CEP128: variants seen among roughly 807,000 people sequenced by gnomAD.
CEP128 encodes centrosomal protein 128kDa.
CEP128 carries 132 observed loss-of-function variants against 156.7 expected under a neutral mutation model. The ratio of observed to expected loss-of-function variants is 0.84; its 90% confidence interval spans 0.73 to 0.97. The LOEUF (loss-of-function observed/expected upper bound fraction) is 0.97. CEP128 is among the 50% of genes least tolerant of loss of function. The probability of loss-of-function intolerance (pLI) is 0.00; values close to 1 mark genes in which losing one functional copy is unlikely to be tolerated. For synonymous variants in CEP128, 469 were observed against 448.9 expected (o/e 1.04, Z -0.57); for missense variants, 1,252 against 1,281.9 (o/e 0.98, Z 0.36).
chr14:80,727,823 C>T (rs1898077107), intron 19 of CEP128, among the ~76,000 whole-genome samples: 1 of 152,164 alleles, frequency 6.6e-6, no homozygotes, highest in African/African-American at 2.4e-5. Flanking sequence ...GATACCATCT[C>T]ACACCAGTCA....
intron 19 of CEP128, among the ~76,000 whole-genome samples, chr14:80,645,318 G>A (rs1894588292): frequency 6.6e-6 from 1 of 152,108 alleles, no homozygotes. Context: ...TGATGGAAAT[G>A]TATTAAGGTA....
chr14:80,518,701 A>C (rs2140240267), intron 23 of CEP128, among the ~76,000 whole-genome samples: 1 of 152,224 alleles, frequency 6.6e-6, no homozygotes, highest in South Asian at 2.1e-4. Flanking sequence ...ACAATTGTTG[A>C]CTTATTCATG....
In CEP128 at chr14:80,836,049, A is replaced by G. The variant is rs1031831735; in HGVS notation, c.1057+156T>C. ...TATTAAAATGGGATGATGCTGAATTATTATCAACTTATCAGAAAATGTTTA... is the reference window on the plus strand; with the variant it reads ...TATTAAAATGGGATGATGCTGAATTGTTATCAACTTATCAGAAAATGTTTA... On this transcript the variant is annotated intron_variant, in intron 12 of 24. Transcript: ENST00000555265. Among the ~76,000 whole-genome samples the G allele has an allele frequency of 2.6e-5, 4 of 152,206 alleles. No individual in the cohort carries two copies. In the East Asian group the frequency reaches 7.7e-4, roughly 29 times the overall value.
At chr14:80,639,685 C>T (rs1894331756) in intron 19 of CEP128, among the ~76,000 whole-genome samples, 2 of 152,096 alleles carry the variant, frequency 1.3e-5, no homozygotes, top group Non-Finnish European at 2.9e-5. Flanking sequence ...TTAGAAACAG[C>T]TGATTACCCT....
intron 13 of CEP128, among the ~76,000 whole-genome samples, chr14:80,796,750 G>T (rs903809410): frequency 1.3e-5 from 2 of 152,150 alleles, no homozygotes; most frequent in African/African-American, 4.8e-5. Context: ...GTATTAGTGA[G>T]TCCTACATTC....
chr14:80,691,264 A>G (rs1896710366), intron 19 of CEP128, among the ~76,000 whole-genome samples: 1 of 152,214 alleles, frequency 6.6e-6, no homozygotes, highest in African/African-American at 2.4e-5. Flanking sequence ...ATTACTACAA[A>G]CTGACAAAAA....
intron 13 of CEP128, among the ~76,000 whole-genome samples, chr14:80,822,373 G>T (rs998683453): frequency 2.0e-5 from 3 of 152,116 alleles, no homozygotes; most frequent in Non-Finnish European, 4.4e-5. Context: ...GGGGCTACTG[G>T]CCCCATGCAA....
chr14:80,630,812 C>T (rs1051321090), intron 19 of CEP128, among the ~76,000 whole-genome samples: 1 of 151,972 alleles, frequency 6.6e-6, no homozygotes, highest in African/African-American at 2.4e-5. Flanking sequence ...TGTTGTAATA[C>T]AGAATCACAA....
At chr14:80,720,780 A>T (rs1379993673) in intron 19 of CEP128, among the ~76,000 whole-genome samples, 1 of 152,200 alleles carries the variant, frequency 6.6e-6, no homozygotes, top group African/African-American at 2.4e-5. Context: ...CAATGCAGAC[A>T]AACTAGTCTG....
Position 80,650,500 on chromosome 14 carries a change from T to C in CEP128, c.2807-70077A>G, listed in dbSNP as rs549525058. On this transcript the variant is annotated intron_variant, in intron 19 of 24. Transcript: ENST00000555265. ...AGGGCATCCTTGTCTTGTGCCAATT[T>C]TCAAAGGAAATGCTTCCAGTTTTTG... 3.3e-5 allele frequency among the ~76,000 whole-genome samples: 5 copies of C among 152,348 alleles called. No individual in the cohort carries two copies. The South Asian group carries it at 8.3e-4, about 25-fold the overall frequency.
intron 3 of CEP128, 89 bp downstream of exon 3, chr14:80,916,312 C>A (rs964757240): frequency 9.5e-7 from 1 of 1,052,064 alleles, no homozygotes; most frequent in African/African-American, 1.6e-5. Context: ...TAATTTGTTA[C>A]AGCAGCAAGA....
At chr14:80,515,738 C>T (rs1461068600) in intron 23 of CEP128, among the ~76,000 whole-genome samples, 9 of 152,168 alleles carry the variant, frequency 5.9e-5, no homozygotes, top group Non-Finnish European at 1.2e-4. Flanking sequence ...TTACTCTTCT[C>T]TTTCCTTTCC....
intron 19 of CEP128, among the ~76,000 whole-genome samples, chr14:80,581,522 T>C (rs969685539): frequency 6.6e-6 from 1 of 152,082 alleles, no homozygotes; most frequent in Non-Finnish European, 1.5e-5. Flanking sequence ...ACAGAACTGA[T>C]TGTGATGACC....
downstream of CEP128, among the ~76,000 whole-genome samples, chr14:80,493,253 T>A (rs1887385338): frequency 6.6e-6 from 1 of 152,180 alleles, no homozygotes; most frequent in East Asian, 1.9e-4. Flanking sequence ...TTGTGTAACT[T>A]CAGTTTCCTG....
intron 13 of CEP128, among the ~76,000 whole-genome samples, chr14:80,804,727 G>A (rs327434): frequency 0.58 from 87,451 of 151,848 alleles, 25,552 homozygotes; most frequent in East Asian, 0.79. Context: ...TTGTTGGAAC[G>A]TTTTACAGTT....
chr14:80,636,614 A>G (rs1894190036), intron 19 of CEP128, among the ~76,000 whole-genome samples: 1 of 152,164 alleles, frequency 6.6e-6, no homozygotes, highest in Admixed American at 6.5e-5. Flanking sequence ...CTCATCTCTA[A>G]TCTATCACAA....
intron 13 of CEP128, among the ~76,000 whole-genome samples, chr14:80,810,337 A>AAAAAAAAAAAAAAAAAAAAAAAAAAT (rs1884447582): frequency 6.8e-6 from 1 of 147,466 alleles, no homozygotes; most frequent in Admixed American, 6.7e-5. Context: ...AAAAAAAAAA[A>AAAAAAAAAAAAAAAAAAAAAAAAAAT]AAAAAAAAAA....
At chr14:80,497,865 G>A (rs1887563295) in intron 24 of CEP128, among the ~76,000 whole-genome samples, 1 of 152,150 alleles carries the variant, frequency 6.6e-6, no homozygotes, top group South Asian at 2.1e-4. Flanking sequence ...ACACCGGTGT[G>A]CACGTGCACA....
chr14:80,504,982 C>A lies in CEP128; in HGVS notation c.3111G>T (p.Gly1037=). Residue 1037 remains glycine, a synonymous_variant, in exon 24 of 25, where the codon GGG becomes GGT. Coordinates refer to ENST00000555265, the MANE Select transcript of CEP128 (RefSeq NM_152446.5). ...CCTGCCAAGAGGATGAGTGATCTAA[C>A]CCACGAGTGTGGGAACCTTCCAGAA... ...RTFLEGSHTR[G]LDHSSSWQDH... The A allele has an allele frequency of 3.7e-6, 6 of 1,601,420 alleles. No homozygotes were observed. The highest frequency in any genetic ancestry group is 5.1e-6 in the Non-Finnish European group (6 of 1,173,218).
Sources: gnomAD v4.1 joint callset for allele counts (sites outside exome capture counted in the v4.1 genomes callset) on GRCh38, gnomAD v4.1.1 for gene constraint, MANE v1.5 for transcripts, NCBI Gene and HGNC (gene_info 2026-07-23, HGNC 2026-07-21) for gene names.